PAG1: variants seen among roughly 807,000 people sequenced by gnomAD.
PAG1 encodes the protein phosphoprotein membrane anchor with glycosphingolipid microdomains 1, also known as phosphoprotein associated with glycosphingolipid-enriched microdomains 1.
PAG1 carries 23 observed loss-of-function variants against 31.7 expected under a neutral mutation model. The observed-to-expected ratio is 0.73, with a 90% CI of 0.52 to 1.03. PAG1 has a LOEUF of 1.03. Among genes scored for constraint, PAG1 ranks in the 50% least tolerant of loss-of-function variants. PAG1 has a pLI of 0.00. For synonymous variants in PAG1, 214 were observed against 210.3 expected (o/e 1.02, Z -0.15); for missense variants, 473 against 540.7 (o/e 0.87, Z 1.24).
intron 2 of PAG1, among the ~76,000 whole-genome samples, chr8:81,055,070 T>G (rs967417425): frequency 2.7e-5 from 4 of 145,794 alleles, no homozygotes; most frequent in Non-Finnish European, 4.4e-5. Flanking sequence ...AATTTCTTTT[T>G]TTTTCTTTTT....
At chr8:81,103,778 G>A (rs373427418) in intron 1 of PAG1, among the ~76,000 whole-genome samples, 6 of 152,144 alleles carry the variant, frequency 3.9e-5, no homozygotes, top group East Asian at 3.9e-4. Context: ...TTTACAATCC[G>A]TCAAATAATG....
intron 6 of PAG1, among the ~76,000 whole-genome samples, chr8:80,986,619 G>A (rs1190134590): frequency 6.6e-6 from 1 of 152,122 alleles, no homozygotes; most frequent in African/African-American, 2.4e-5. Flanking sequence ...AAGGCAGAAC[G>A]ACCCTGAAAA....
intron 2 of PAG1, among the ~76,000 whole-genome samples, chr8:81,050,635 T>A (rs1184996689): frequency 6.6e-6 from 1 of 152,166 alleles, no homozygotes; most frequent in Non-Finnish European, 1.5e-5. Flanking sequence ...ATAAGTTAAT[T>A]CATGTGCGGT....
chr8:81,111,284 A>T (rs1377544647), intron 1 of PAG1, among the ~76,000 whole-genome samples: 1 of 152,124 alleles, frequency 6.6e-6, no homozygotes, highest in Admixed American at 6.5e-5. Context: ...CAGCCCCTTC[A>T]CCCCAACGTA....
At chr8:81,029,962 T>C (rs1476980661) in intron 3 of PAG1, 34 bp downstream of exon 3, 1 of 152,280 alleles carries the variant, frequency 6.6e-6, no homozygotes, top group Non-Finnish European at 1.5e-5. Context: ...ATTCTAGTGA[T>C]GTGTCCCTTT....
chr8:81,020,554 C>A (rs1808146053), intron 3 of PAG1, among the ~76,000 whole-genome samples: 1 of 152,142 alleles, frequency 6.6e-6, no homozygotes, highest in Non-Finnish European at 1.5e-5. Context: ...TAAGACGTGC[C>A]TTTGCTTCTT....
rs562751266 is a variant in PAG1, at chr8:80,977,732, C to A, written c.937-826G>T. On this transcript the variant is annotated intron_variant, in intron 8 of 8. Transcript: ENST00000220597. Reference sequence around the variant, plus strand: ...TTAAGAGCCAGTGGCTTTCCAAGCACACCCCCACAGTCTCACTAATAAATC... The same window carrying A: ...TTAAGAGCCAGTGGCTTTCCAAGCAAACCCCCACAGTCTCACTAATAAATC... Among the ~76,000 whole-genome samples, 277 of 152,322 alleles carry A rather than the reference C, an allele frequency of 1.8e-3. 1 individual carries two copies. Among genetic ancestry groups the A allele is most frequent in the African/African-American group, 6.5e-3 (272 of 41,570 alleles).
intron 8 of PAG1, among the ~76,000 whole-genome samples, chr8:80,979,989 A>C (rs1294824473): frequency 6.6e-6 from 1 of 152,312 alleles, no homozygotes; most frequent in Non-Finnish European, 1.5e-5. Flanking sequence ...ATCTGCTCTC[A>C]GCATCCAAAT....
chr8:81,003,174 C>A, intron 3 of PAG1, among the ~76,000 whole-genome samples: 1 of 152,170 alleles, frequency 6.6e-6, no homozygotes, highest in East Asian at 1.9e-4. Context: ...TGCAGGTGAT[C>A]GTGACGCACT....
chr8:81,035,040 C>T (rs926990179), intron 2 of PAG1, among the ~76,000 whole-genome samples: 17 of 152,008 alleles, frequency 1.1e-4, no homozygotes, highest in African/African-American at 3.9e-4. Flanking sequence ...ATTTGGGTGT[C>T]GGTGGTGGCG....
chr8:81,010,513 C>A (rs79609170), intron 3 of PAG1, among the ~76,000 whole-genome samples: 2,851 of 152,240 alleles, frequency 0.019, 54 homozygotes, highest in Non-Finnish European at 0.027. Flanking sequence ...AATCTCTTGG[C>A]CTGTTACTTG....
intron 3 of PAG1, among the ~76,000 whole-genome samples, chr8:81,013,524 C>T (rs1256065178): frequency 6.6e-6 from 1 of 152,168 alleles, no homozygotes; most frequent in Non-Finnish European, 1.5e-5. Context: ...AATCCCAGGT[C>T]CTCCCTGTTT....
intron 1 of PAG1, among the ~76,000 whole-genome samples, chr8:81,081,213 A>T (rs866364150): frequency 6.8e-5 from 10 of 147,034 alleles, no homozygotes; most frequent in East Asian, 3.9e-4. Context: ...CAAACAAATT[A>T]AAAAAAAAAA....
At chr8:81,072,982 CAAAAT>C (rs977930886) in intron 1 of PAG1, among the ~76,000 whole-genome samples, 1 of 152,184 alleles carries the variant, frequency 6.6e-6, no homozygotes, top group Admixed American at 6.5e-5. Context: ...CAGAACTCCT[CAAAAT>C]AAAATAAGAA....
intron 2 of PAG1, among the ~76,000 whole-genome samples, chr8:81,046,849 C>T (rs1358171377): frequency 1.3e-5 from 2 of 152,086 alleles, no homozygotes; most frequent in African/African-American, 4.8e-5. Context: ...CCTCCTACCC[C>T]CCAACCCTCC....
rs1807077415 is a variant in PAG1 at position 80,971,561 on chromosome 8, G to A, written c.*4983C>T. 6.6e-6 allele frequency: 1 copy of A among 152,148 alleles called. No homozygotes were observed. The highest frequency in any genetic ancestry group is 1.5e-5 in the Non-Finnish European group (1 of 68,016). 9.4% of individuals were successfully genotyped at this position (152,148 alleles called of 1,614,324 possible). ...TTTGTAATACATGATTACGCAAGGT[G>A]ATATGAGACAACCCAAGGGTAGCAC... On this transcript the variant is annotated 3_prime_UTR_variant, in exon 9 of 9. Transcript: ENST00000220597.
intron 3 of PAG1, among the ~76,000 whole-genome samples, chr8:81,018,304 T>C (rs773274542): frequency 6.6e-6 from 1 of 152,230 alleles, no homozygotes; most frequent in Non-Finnish European, 1.5e-5. Context: ...TTTCTCAAAG[T>C]GTACATTATC....
chr8:80,971,699 G>GT lies in PAG1; in HGVS notation c.*4844dup, dbSNP rs1442677873. 1 of 152,068 alleles carries GT rather than the reference G, an allele frequency of 6.6e-6. No homozygotes were observed. Among genetic ancestry groups the GT allele is most frequent in the African/African-American group, 2.4e-5 (1 of 41,392 alleles). 9.4% of individuals were successfully genotyped at this position (152,068 alleles called of 1,614,324 possible). ...AAAAAATGTCTTTTAAGCAAAAATT[G>GT]TATTTCTCTTTTCATGTTACATTAA... On this transcript the variant is annotated 3_prime_UTR_variant, in exon 9 of 9. Coordinates refer to ENST00000220597, the MANE Select transcript of PAG1 (RefSeq NM_018440.4).
intron 1 of PAG1, among the ~76,000 whole-genome samples, chr8:81,098,363 A>G (rs1246628512): frequency 2.6e-5 from 4 of 152,210 alleles, no homozygotes; most frequent in African/African-American, 9.6e-5. Flanking sequence ...TGGGTCCACT[A>G]CAGAACCCCA....
Sources: allele counts gnomAD v4.1 joint callset (sites outside exome capture counted in the v4.1 genomes callset), GRCh38; gene constraint gnomAD v4.1.1; transcripts MANE v1.5; gene names NCBI Gene and HGNC (gene_info 2026-07-23, HGNC 2026-07-21).